FSTL4: variants seen among roughly 807,000 people sequenced by gnomAD.
FSTL4 encodes the protein follistatin like 4.
In FSTL4, 28 loss-of-function variants were observed where a neutral mutation model predicts 78.2. That is an observed-to-expected ratio of 0.36 (90% CI 0.27 to 0.49). The LOEUF is 0.49. Among genes scored for constraint, FSTL4 ranks in the 20% least tolerant of loss-of-function variants. The pLI, the probability that FSTL4 is intolerant of heterozygous loss-of-function variation, is 0.98. For missense variants in FSTL4, 922 were observed against 1,084.9 expected (o/e 0.85, Z 2.11); for synonymous variants, 422 against 440.5 (o/e 0.96, Z 0.53).
At chr5:133,599,022 C>T (rs570525145) in intron 2 of FSTL4, among the ~76,000 whole-genome samples, 18 of 152,232 alleles carry the variant, frequency 1.2e-4, no homozygotes, top group African/African-American at 3.1e-4. Flanking sequence ...GCCCTACAGA[C>T]GACCAGCTGT....
the FSTL4 span, among the ~76,000 whole-genome samples, chr5:133,692,350 A>T: frequency 6.6e-6 from 1 of 152,184 alleles, no homozygotes; most frequent in Non-Finnish European, 1.5e-5. Flanking sequence ...GGGTTTCATC[A>T]TTTGGTTACG....
At chr5:133,486,379 G>A (rs768873725) in intron 3 of FSTL4, among the ~76,000 whole-genome samples, 78 of 150,940 alleles carry the variant, frequency 5.2e-4, no homozygotes, top group South Asian at 1.9e-3. Context: ...GACAGGTTGG[G>A]GGAGAGGAAG....
At chr5:133,695,170 C>G in the FSTL4 span, among the ~76,000 whole-genome samples, 2 of 152,180 alleles carry the variant, frequency 1.3e-5, no homozygotes, top group Non-Finnish European at 2.9e-5. Flanking sequence ...CCACTGCTTC[C>G]TCATGATCGT....
In FSTL4 at chr5:133,426,855, C is replaced by T. The variant is rs368978642; in HGVS notation, c.161-25869G>A. 6.6e-6 allele frequency among the ~76,000 whole-genome samples: 1 copy of T among 152,132 alleles called. No individual in the cohort carries two copies. On this transcript the variant is annotated intron_variant, in intron 3 of 15. Transcript: ENST00000265342. This position sits in a 1 kb window ranked among gnomAD's most constrained non-coding sequence, Gnocchi z 5.0. ...ACCAGGCTAAAATGTTTCCTTTTTC[C>T]GAAAGTCAGCACAAGTTCTGGGAGG...
At chr5:133,481,878 T>C (rs535726575) in intron 3 of FSTL4, among the ~76,000 whole-genome samples, 4 of 152,304 alleles carry the variant, frequency 2.6e-5, no homozygotes, top group South Asian at 2.1e-4. Flanking sequence ...CCAATGCCTC[T>C]CTGTGCCATC....
intron 6 of FSTL4, chr5:133,252,293 T>C (rs1010238388): frequency 4.6e-5 from 7 of 152,178 alleles, no homozygotes; most frequent in Non-Finnish European, 8.8e-5. Context: ...AAAAGACCAA[T>C]TGGGCCATCG....
rs553315743 is a variant in FSTL4, at chr5:133,305,949, C to T, written c.727+6705G>A. On this transcript the variant is annotated intron_variant, in intron 6 of 15. Coordinates refer to ENST00000265342, the MANE Select transcript of FSTL4 (RefSeq NM_015082.2). ...GGAGCTCACCCTGCTTTCAGAGAGC[C>T]TCAGCCTACGGTAGCTTCAGGGCGG... Among the ~76,000 whole-genome samples the T allele has an allele frequency of 2.6e-5, 4 of 152,294 alleles. No homozygotes were observed. In the East Asian group the frequency reaches 7.7e-4, roughly 29 times the overall value.
At chr5:133,594,157 C>A (rs1211834338) in intron 2 of FSTL4, among the ~76,000 whole-genome samples, 1 of 152,208 alleles carries the variant, frequency 6.6e-6, no homozygotes, top group East Asian at 1.9e-4. Flanking sequence ...CTAAGCCATA[C>A]TGCCAGGCAT....
At chr5:133,576,858 T>G (rs1760294695) in intron 2 of FSTL4, among the ~76,000 whole-genome samples, 1 of 152,234 alleles carries the variant, frequency 6.6e-6, no homozygotes. Flanking sequence ...AATGAATGCT[T>G]CTTTAACAAT....
chr5:133,292,555 C>A (rs76446701), intron 6 of FSTL4, among the ~76,000 whole-genome samples: 60 of 145,468 alleles, frequency 4.1e-4, no homozygotes, highest in South Asian at 6.7e-4. Flanking sequence ...ACCTGTGAAT[C>A]AAAAAAAAAA....
At chr5:133,597,028 C>G (rs1022303216) in intron 2 of FSTL4, among the ~76,000 whole-genome samples, 1 of 152,046 alleles carries the variant, frequency 6.6e-6, no homozygotes, top group Non-Finnish European at 1.5e-5. Flanking sequence ...TTCCTCCCCC[C>G]AACACCAATG....
the FSTL4 span, among the ~76,000 whole-genome samples, chr5:133,808,998 C>CT: frequency 6.6e-6 from 1 of 151,924 alleles, no homozygotes; most frequent in Admixed American, 6.6e-5. Flanking sequence ...AAGGGCAGTT[C>CT]TTTTGGACAG....
chr5:133,447,824 A>C (rs557470371), intron 3 of FSTL4, among the ~76,000 whole-genome samples: 6 of 152,274 alleles, frequency 3.9e-5, no homozygotes, highest in South Asian at 4.1e-4. Context: ...ACAGGTGTGA[A>C]CCACTGCACC....
intron 3 of FSTL4, among the ~76,000 whole-genome samples, chr5:133,403,221 C>A (rs1280138257): frequency 6.6e-6 from 1 of 152,226 alleles, no homozygotes; most frequent in Non-Finnish European, 1.5e-5. Context: ...AGGATGCAAC[C>A]CACTAATTGC....
chr5:133,384,719 C>G (rs988571617), intron 4 of FSTL4, among the ~76,000 whole-genome samples: 5 of 152,176 alleles, frequency 3.3e-5, no homozygotes, highest in Admixed American at 2.0e-4. Context: ...TTCTGAACAC[C>G]AGGCCTATGG....
chr5:133,635,585 G>T, the FSTL4 span, among the ~76,000 whole-genome samples: 3 of 152,158 alleles, frequency 2.0e-5, no homozygotes, highest in Non-Finnish European at 2.9e-5. Context: ...CCAACATGGA[G>T]AAACCCCATC....
At chr5:133,592,631 T>C (rs928365296) in intron 2 of FSTL4, among the ~76,000 whole-genome samples, 2 of 152,012 alleles carry the variant, frequency 1.3e-5, no homozygotes, top group African/African-American at 4.8e-5. Flanking sequence ...AGTCATGGAG[T>C]TGGATCCCTT....
chr5:133,697,215 G>A, the FSTL4 span, among the ~76,000 whole-genome samples: 1 of 152,176 alleles, frequency 6.6e-6, no homozygotes, highest in Non-Finnish European at 1.5e-5. Flanking sequence ...GGGCTGGGAG[G>A]CACCACATGA....
At chr5:133,502,055 TC>T (rs1758509079) in intron 3 of FSTL4, among the ~76,000 whole-genome samples, 4 of 152,158 alleles carry the variant, frequency 2.6e-5, no homozygotes, top group Non-Finnish European at 4.4e-5. Context: ...AGGCCTCCTT[TC>T]TTAGAGGCTT....
Sources: gnomAD v4.1 joint callset for allele counts (sites outside exome capture counted in the v4.1 genomes callset) on GRCh38, gnomAD v4.1.1 for gene constraint, Gnocchi (gnomAD v3.1) non-coding constraint, MANE v1.5 for transcripts, NCBI Gene and HGNC (gene_info 2026-07-23, HGNC 2026-07-21) for gene names.